NUMB: variants seen among roughly 807,000 people sequenced by gnomAD.
The protein encoded by NUMB is protein numb homolog.
NUMB carries 29 observed loss-of-function variants against 59.7 expected under a neutral mutation model. That is an observed-to-expected ratio of 0.49 (90% confidence interval 0.36 to 0.66). The LOEUF (loss-of-function observed/expected upper bound fraction) is 0.66, where lower values mean the gene tolerates loss of function less well. Among genes scored for constraint, NUMB ranks in the 30% least tolerant of loss-of-function variants. The probability of loss-of-function intolerance (pLI) is 0.00; values close to 1 mark genes in which losing one functional copy is unlikely to be tolerated. For missense variants in NUMB, 723 were observed against 822.0 expected, an observed-to-expected ratio of 0.88 and a Z score of 1.47; for synonymous variants, 288 against 288.2, an observed-to-expected ratio of 1.00 and a Z score of 0.01.
chr14:73,277,176 G>A lies in NUMB; in HGVS notation c.1358C>T (p.Ala453Val), dbSNP rs1888224979. 1 of 1,614,000 alleles carries A rather than the reference G, an allele frequency of 6.2e-7. No homozygotes were observed. The highest frequency in any genetic ancestry group is 8.5e-7 in the Non-Finnish European group (1 of 1,180,024). Residue 453 changes from alanine to valine, a missense_variant, in exon 13 of 13, where the codon GCT (alanine) becomes GTT (valine). Physicochemically the swap from Ala to Val is moderately conservative, Grantham distance 64 (BLOSUM62 0). Around this residue, in one of 2 missense-constraint regions of NUMB, gnomAD observed 406 missense variants for 385.4 expected, o/e 1.05. Coordinates refer to ENST00000555238, the MANE Select transcript of NUMB (RefSeq NM_001005743.2). ...WLEEVSKSVR[A>V]QQPQASAAPL... ...AGCAGCTGAGGCCTGGGGCTGCTGAGCCCGGACGCTCTTAGACACCTCTTC... is the reference window on the plus strand; with the variant it reads ...AGCAGCTGAGGCCTGGGGCTGCTGAACCCGGACGCTCTTAGACACCTCTTC...
In NUMB at chr14:73,445,354, C is replaced by CAAAAAAAAAAA. The variant is rs752154048; in HGVS notation, c.-233+13128_-233+13138dup. On this transcript the variant is annotated intron_variant, in intron 1 of 12. Coordinates refer to ENST00000555238, the MANE Select transcript of NUMB (RefSeq NM_001005743.2). ...TGAGTGACAAAGTGAGACCCTGTCT[C>CAAAAAAAAAAA]AAAAAAAAAAAAAAAAAAAAAAAAA... Among the ~76,000 whole-genome samples the CAAAAAAAAAAA allele has an allele frequency of 6.1e-4, 35 of 57,570 alleles. 1 individual carries two copies. The highest frequency in any genetic ancestry group is 1.5e-3 in the South Asian group (2 of 1,366). 37.8% of individuals were successfully genotyped at this position (57,570 alleles called of 152,430 possible).
At chr14:73,391,386 C>A (rs1895845089) in intron 2 of NUMB, among the ~76,000 whole-genome samples, 1 of 149,848 alleles carries the variant, frequency 6.7e-6, no homozygotes, top group African/African-American at 2.5e-5. Flanking sequence ...TCATTTCTAT[C>A]ACATGGGACA....
At chr14:73,311,715 C>A (rs1027541735) in intron 6 of NUMB, among the ~76,000 whole-genome samples, 4 of 152,202 alleles carry the variant, frequency 2.6e-5, no homozygotes, top group Non-Finnish European at 4.4e-5. Context: ...ATCATCAAAT[C>A]ATACATGATT....
At chr14:73,400,054 A>C (rs1363062279) in intron 2 of NUMB, among the ~76,000 whole-genome samples, 1 of 150,130 alleles carries the variant, frequency 6.7e-6, no homozygotes, top group Non-Finnish European at 1.5e-5. Context: ...CAAAAACAAA[A>C]AAAAACAAAA....
intron 1 of NUMB, among the ~76,000 whole-genome samples, chr14:73,421,619 G>A (rs1897349451): frequency 6.6e-6 from 1 of 152,080 alleles, no homozygotes; most frequent in Non-Finnish European, 1.5e-5. Flanking sequence ...TGTAGATTGA[G>A]ACAAATAAGC....
rs146265852 is a variant in NUMB at position 73,287,081 on chromosome 14, A to C, written c.655+29T>G. 1.6e-4 allele frequency: 264 copies of C among 1,605,052 alleles called. No individual in the cohort carries two copies. The African/African-American group carries it at 2.7e-3, about 16-fold the overall frequency. ...ACCTTGTTGGGAAAAACTGCATTCCATAAATACACACTGTAGAACAGATTG... is the reference window on the plus strand; with the variant it reads ...ACCTTGTTGGGAAAAACTGCATTCCCTAAATACACACTGTAGAACAGATTG... On this transcript the variant is annotated intron_variant, in intron 9 of 12. Transcript: ENST00000555238.
intron 4 of NUMB, among the ~76,000 whole-genome samples, chr14:73,340,983 T>C (rs189677703): frequency 1.3e-5 from 2 of 152,358 alleles, no homozygotes; most frequent in African/African-American, 4.8e-5. Flanking sequence ...GTGCTCACAC[T>C]GAGCTGCTCT....
chr14:73,281,556 A>G (rs1888638447), intron 11 of NUMB: 1 of 152,206 alleles, frequency 6.6e-6, no homozygotes, highest in South Asian at 2.1e-4. Flanking sequence ...AGAAATGGAG[A>G]AACAGCAATT....
At chr14:73,342,916 C>T (rs1268939716) in intron 4 of NUMB, among the ~76,000 whole-genome samples, 1 of 152,102 alleles carries the variant, frequency 6.6e-6, no homozygotes, top group African/African-American at 2.4e-5. Flanking sequence ...GCGATCATGG[C>T]TTACTGCGGC....
intron 4 of NUMB, among the ~76,000 whole-genome samples, chr14:73,338,653 T>G (rs1227332771): frequency 6.6e-6 from 1 of 152,218 alleles, no homozygotes; most frequent in East Asian, 1.9e-4. Flanking sequence ...ATCCTTACAA[T>G]GGTCTTTATA....
At chr14:73,401,183 C>T (rs1896395045) in intron 2 of NUMB, among the ~76,000 whole-genome samples, 1 of 152,088 alleles carries the variant, frequency 6.6e-6, no homozygotes, top group Non-Finnish European at 1.5e-5. Flanking sequence ...AGATAGAAAT[C>T]CCCACGCATT....
intron 8 of NUMB, among the ~76,000 whole-genome samples, chr14:73,289,890 C>T (rs1376074401): frequency 6.6e-6 from 1 of 152,168 alleles, no homozygotes; most frequent in African/African-American, 2.4e-5. Flanking sequence ...ATTCTTTCTC[C>T]TAGGCCTAGG....
intron 4 of NUMB, among the ~76,000 whole-genome samples, chr14:73,341,840 A>T (rs181815789): frequency 8.9e-4 from 136 of 152,358 alleles, no homozygotes; most frequent in African/African-American, 3.2e-3. Flanking sequence ...TAAAACTACA[A>T]TATAGTACTT....
chr14:73,443,820 T>C (rs1270731004), intron 1 of NUMB, among the ~76,000 whole-genome samples: 1 of 151,254 alleles, frequency 6.6e-6, no homozygotes, highest in Non-Finnish European at 1.5e-5. Flanking sequence ...CCAGCTAATT[T>C]CTTTTGTATT....
intron 2 of NUMB, among the ~76,000 whole-genome samples, chr14:73,374,721 T>A (rs1484965610): frequency 7.1e-6 from 1 of 140,714 alleles, no homozygotes; most frequent in African/African-American, 2.8e-5. Flanking sequence ...TACATTAACT[T>A]TTTTTTTTTT....
At chr14:73,315,713 A>G (rs1016817954) in intron 6 of NUMB, among the ~76,000 whole-genome samples, 1 of 152,136 alleles carries the variant, frequency 6.6e-6, no homozygotes, top group Non-Finnish European at 1.5e-5. Flanking sequence ...TTTATTTTTT[A>G]CTCAAATATT....
intron 2 of NUMB, among the ~76,000 whole-genome samples, chr14:73,382,501 G>A (rs1011563659): frequency 1.3e-5 from 2 of 151,342 alleles, no homozygotes; most frequent in African/African-American, 4.9e-5. Context: ...AAAATTAAGA[G>A]TCCAGGGCCT....
chr14:73,431,692 T>TGAGCCAAGA (rs1312781475), intron 1 of NUMB, among the ~76,000 whole-genome samples: 3 of 151,882 alleles, frequency 2.0e-5, no homozygotes, highest in African/African-American at 7.3e-5. Context: ...GAGGTTGCAG[T>TGAGCCAAGA]GAGCTGAGAT....
chr14:73,456,539 T>C (rs1212538972), intron 1 of NUMB, among the ~76,000 whole-genome samples: 1 of 152,258 alleles, frequency 6.6e-6, no homozygotes, highest in Non-Finnish European at 1.5e-5. Flanking sequence ...TACTTTTCCT[T>C]ACCAAATGCA....
Sources: gnomAD v4.1 joint callset for allele counts (sites outside exome capture counted in the v4.1 genomes callset) on GRCh38, gnomAD v4.1.1 for gene constraint, gnomAD v4.1.1 regional missense constraint, MANE v1.5 for transcripts, NCBI Gene and HGNC (gene_info 2026-07-23, HGNC 2026-07-21) for gene names.